The following ORC3 variants were observed in gnomAD, a reference collection of about 807,000 sequenced individuals.
The protein encoded by ORC3 is origin recognition complex subunit 3.
A neutral mutation model predicts 100.7 loss-of-function variants in ORC3; 78 were observed. The observed-to-expected ratio is 0.77, with a 90% CI of 0.65 to 0.94. The LOEUF is 0.94. ORC3 is among the 40% of genes least tolerant of loss of function. ORC3 has a pLI of 0.00. For missense variants in ORC3, 789 were observed against 823.9 expected (o/e 0.96, Z 0.52); for synonymous variants, 295 against 289.3 (o/e 1.02, Z -0.20).
At chr6:87,667,821 C>T (rs1247555179), downstream of ORC3, among the ~76,000 whole-genome samples, 1 of 151,914 alleles carries the variant, frequency 6.6e-6, no homozygotes, top group African/African-American at 2.4e-5. Flanking sequence ...CCCAGCTACT[C>T]GGGAGCCTGA....
At chr6:87,610,649 G>A (rs1778687364) in intron 7 of ORC3, among the ~76,000 whole-genome samples, 1 of 146,398 alleles carries the variant, frequency 6.8e-6, no homozygotes, top group Non-Finnish European at 1.5e-5. Flanking sequence ...CGCTTCCCGG[G>A]TTCACGCCAT....
intron 14 of ORC3, 31 bp from the exon 15 acceptor site, chr6:87,656,875 T>A (rs746567747): frequency 6.0e-6 from 9 of 1,512,028 alleles, no homozygotes; most frequent in Admixed American, 3.5e-5. Context: ...TTTACCCTCA[T>A]TGATGTCTAC....
chr6:87,631,043 A>ATTT (rs11414874), intron 11 of ORC3, among the ~76,000 whole-genome samples: 6 of 136,568 alleles, frequency 4.4e-5, no homozygotes, highest in African/African-American at 5.5e-5. Context: ...GCTAATTTAA[A>ATTT]TTTTTTTTTT....
chr6:87,676,022 C>G, the ORC3 span: 10 of 1,073,750 alleles, frequency 9.3e-6, no homozygotes, highest in Admixed American at 2.2e-5. Context: ...TAAAACAATT[C>G]TAAGTTGACA....
At chr6:87,613,227 C>T (rs986691679) in intron 8 of ORC3, among the ~76,000 whole-genome samples, 1 of 152,186 alleles carries the variant, frequency 6.6e-6, no homozygotes, top group Non-Finnish European at 1.5e-5. Context: ...TCACATCTTA[C>T]ATAGATGGCA....
intron 8 of ORC3, among the ~76,000 whole-genome samples, chr6:87,615,127 A>G (rs939257938): frequency 1.3e-5 from 2 of 152,214 alleles, no homozygotes; most frequent in African/African-American, 4.8e-5. Context: ...GCAAGGAGGA[A>G]CAAATCACAT....
intron 18 of ORC3, among the ~76,000 whole-genome samples, 198 bp downstream of exon 18, chr6:87,665,057 C>T (rs1442789865): frequency 6.6e-6 from 1 of 152,190 alleles, no homozygotes; most frequent in African/African-American, 2.4e-5. Flanking sequence ...CTCCCAATCC[C>T]CTGCCCTCTG....
At chr6:87,675,993 GA>G in the ORC3 span, 1 of 1,396,346 alleles carries the variant, frequency 7.2e-7, no homozygotes, top group Non-Finnish European at 1.0e-6. Flanking sequence ...CAGATAAACT[GA>G]AAACACAAAA....
At chr6:87,611,746 C>T (rs1778788167) in intron 7 of ORC3, among the ~76,000 whole-genome samples, 1 of 151,374 alleles carries the variant, frequency 6.6e-6, no homozygotes, top group Non-Finnish European at 1.5e-5. Context: ...TGCACCACTG[C>T]ACTCCAGTCT....
At position 87,611,960 on chromosome 6, in the gene ORC3, G is replaced by A. The variant is rs917367343; in HGVS notation, c.714-129G>A. ...AAAGACTTAGAAAATTTTAGTGTTTGCAATGATAATCCTTAACAGTGTCTT... is the reference window on the plus strand; with the variant it reads ...AAAGACTTAGAAAATTTTAGTGTTTACAATGATAATCCTTAACAGTGTCTT... On this transcript the variant is annotated intron_variant, in intron 7 of 19. Coordinates refer to ENST00000392844, the MANE Select transcript of ORC3 (RefSeq NM_012381.4). 18 of 766,114 alleles carry A rather than the reference G, an allele frequency of 2.3e-5. No homozygotes were observed. In the East Asian group the frequency reaches 5.1e-4, roughly 22 times the overall value. 47.5% of individuals were successfully genotyped at this position (766,114 alleles called of 1,614,324 possible). A position where few individuals can be genotyped will look rare whatever the true frequency, so the allele number is the denominator to read the frequency against.
rs111420051 is a variant in ORC3 at position 87,655,138 on chromosome 6, G to A, written c.1517-1768G>A. Reference sequence around the variant, plus strand: ...TCCTTAACATTTATTACATATTACAGTTTGGGTTTAAAATTACAGTTGGGA... The same window carrying A: ...TCCTTAACATTTATTACATATTACAATTTGGGTTTAAAATTACAGTTGGGA... On this transcript the variant is annotated intron_variant, in intron 14 of 19. Coordinates refer to ENST00000392844, the MANE Select transcript of ORC3 (RefSeq NM_012381.4). Among the ~76,000 whole-genome samples the A allele has an allele frequency of 2.3e-3, 344 of 152,296 alleles. 1 individual carries two copies. Among genetic ancestry groups the A allele is most frequent in the Non-Finnish European group, 4.0e-3 (269 of 68,016 alleles).
intron 17 of ORC3, 120 bp from the exon 18 acceptor site, chr6:87,664,623 A>C: frequency 1.3e-6 from 1 of 744,576 alleles, no homozygotes; most frequent in East Asian, 2.7e-5. Context: ...TCACTAAATA[A>C]GGGAAACCAA....
intron 13 of ORC3, among the ~76,000 whole-genome samples, chr6:87,645,491 C>T (rs1313310839): frequency 1.3e-5 from 2 of 152,102 alleles, no homozygotes; most frequent in Admixed American, 1.3e-4. Context: ...TTTTTACATG[C>T]TTTTTATTAT....
chr6:87,600,613 G>C (rs1305284047), intron 2 of ORC3, among the ~76,000 whole-genome samples: 1 of 152,142 alleles, frequency 6.6e-6, no homozygotes, highest in East Asian at 1.9e-4. Context: ...AAGACTGGTA[G>C]GAGAATAGGG....
In ORC3 at chr6:87,624,452, G is replaced by A. The variant is rs541094931; in HGVS notation, c.1185+2439G>A. Among the ~76,000 whole-genome samples, 260 of 152,042 alleles carry A rather than the reference G, an allele frequency of 1.7e-3. 1 individual carries two copies. Among genetic ancestry groups the A allele is most frequent in the Non-Finnish European group, 2.6e-3 (175 of 67,962 alleles). On this transcript the variant is annotated intron_variant, in intron 11 of 19. Transcript: ENST00000392844. The stretch of plus-strand genomic sequence containing the variant: ...TGAGCCAAGATCATGCCCTAGCGTC[G>A]GCAACAGAGCAAGACTCTGTTTCAA...
rs377009544 is a variant in ORC3 at position 87,602,720 on chromosome 6, T to C, written c.178-664T>C. On this transcript the variant is annotated intron_variant, in intron 3 of 19. Coordinates refer to ENST00000392844, the MANE Select transcript of ORC3 (RefSeq NM_012381.4). ...CTCCTGACTGGCATCCCTGACACCA[T>C]TGGCCAAATTAGAAAAGACCCTTTT... Among the ~76,000 whole-genome samples, 180 of 151,696 alleles carry C rather than the reference T, an allele frequency of 1.2e-3. 9 individuals are homozygous for C. In the South Asian group the frequency reaches 0.033, roughly 28 times the overall value.
At chr6:87,647,173 T>C (rs969365409) in intron 13 of ORC3, among the ~76,000 whole-genome samples, 1 of 152,206 alleles carries the variant, frequency 6.6e-6, no homozygotes, top group Non-Finnish European at 1.5e-5. Flanking sequence ...GTTACTCCTT[T>C]GCTCAAAACC....
intron 13 of ORC3, among the ~76,000 whole-genome samples, chr6:87,642,341 A>G (rs1435604964): frequency 6.6e-6 from 1 of 152,168 alleles, no homozygotes; most frequent in African/African-American, 2.4e-5. Flanking sequence ...CTGTAATTCA[A>G]GTACTTTGGG....
At chr6:87,666,976 C>A in intron 19 of ORC3, 42 bp from the exon 20 acceptor site, 1 of 1,271,170 alleles carries the variant, frequency 7.9e-7, no homozygotes, top group Non-Finnish European at 1.1e-6. Flanking sequence ...CCCTTTTTGT[C>A]AAAAATACAG....
Sources: gnomAD v4.1 joint callset for allele counts (sites outside exome capture counted in the v4.1 genomes callset) on GRCh38, gnomAD v4.1.1 for gene constraint, MANE v1.5 for transcripts, NCBI Gene and HGNC (gene_info 2026-07-23, HGNC 2026-07-21) for gene names.